The following SCNN1G variants were observed in gnomAD, a reference collection of about 807,000 sequenced individuals.
SCNN1G encodes sodium channel epithelial 1 subunit gamma.
Under a neutral mutation model 64.6 loss-of-function variants are expected in SCNN1G, and 27 were observed. The ratio of observed to expected loss-of-function variants is 0.42; its 90% CI spans 0.31 to 0.58. The LOEUF is 0.58. SCNN1G is among the 20% of genes least tolerant of loss of function. SCNN1G has a pLI of 0.18. For missense variants in SCNN1G, 743 were observed against 823.4 expected (o/e 0.90, Z 1.19); for synonymous variants, 330 against 314.2 (o/e 1.05, Z -0.53).
chr16:23,192,828 G>A (rs1959730713), intron 4 of SCNN1G, among the ~76,000 whole-genome samples: 1 of 152,050 alleles, frequency 6.6e-6, no homozygotes. Flanking sequence ...CAGCACTTTG[G>A]GAGGCTGGGG....
chr16:23,186,843 C>T (rs1457884713), intron 2 of SCNN1G, among the ~76,000 whole-genome samples: 2 of 152,082 alleles, frequency 1.3e-5, no homozygotes, highest in African/African-American at 4.8e-5. Flanking sequence ...TGGAGTTTCG[C>T]TCTTGTTGCC....
chr16:23,206,419 C>T (rs567401227), intron 6 of SCNN1G, among the ~76,000 whole-genome samples: 6 of 152,326 alleles, frequency 3.9e-5, no homozygotes, highest in African/African-American at 1.2e-4. Flanking sequence ...GGCTCTGCTG[C>T]CATCTGGGCT....
At chr16:23,209,681 G>A in intron 6 of SCNN1G, 69 bp from the exon 7 acceptor site, 2 of 1,125,262 alleles carry the variant, frequency 1.8e-6, no homozygotes, top group Non-Finnish European at 2.7e-6. Flanking sequence ...CCTGTCTGGT[G>A]CTCCTTGCAA....
rs1170526876 is a variant in SCNN1G at position 23,189,456 on chromosome 16, C to T, written c.403C>T (p.Arg135Trp). The T allele has an allele frequency of 3.1e-6, 5 of 1,614,122 alleles. No individual in the cohort carries two copies. The highest frequency in any genetic ancestry group is 2.7e-5 in the African/African-American group (2 of 75,028). ...GTCCCTGTATGGCTTTCCAGAGTCC[C>T]GGAAGCGCCGAGAGGCGGAGTCCTG... ...LKSLYGFPESRKRREAESWNS... is the reference protein window; with the variant it reads ...LKSLYGFPESWKRREAESWNS... Residue 135 changes from arginine to tryptophan, a missense_variant, in exon 3 of 13, where the codon CGG becomes TGG. Physicochemically the swap from Arg to Trp is moderately radical, Grantham distance 101. Coordinates refer to ENST00000300061, the MANE Select transcript of SCNN1G (RefSeq NM_001039.4).
chr16:23,183,418 C>G (rs1388064583), intron 1 of SCNN1G, among the ~76,000 whole-genome samples: 2 of 152,206 alleles, frequency 1.3e-5, no homozygotes, highest in East Asian at 3.9e-4. Context: ...GGGACGGGCA[C>G]TGATCGGGAA....
At chr16:23,187,006 T>G (rs1959619966) in intron 2 of SCNN1G, among the ~76,000 whole-genome samples, 1 of 152,050 alleles carries the variant, frequency 6.6e-6, no homozygotes, top group Admixed American at 6.6e-5. Flanking sequence ...TCACCATGCT[T>G]GGCCAGGCTG....
chr16:23,203,825 C>T (rs1053233856), intron 6 of SCNN1G, among the ~76,000 whole-genome samples: 9 of 149,040 alleles, frequency 6.0e-5, no homozygotes, highest in Non-Finnish European at 8.9e-5. Context: ...TTCAAACCCA[C>T]CCCAGTTTTG....
At chr16:23,207,860 A>G (rs1960015128) in intron 6 of SCNN1G, among the ~76,000 whole-genome samples, 1 of 152,080 alleles carries the variant, frequency 6.6e-6, no homozygotes, top group African/African-American at 2.4e-5. Context: ...CCTGCCTCAA[A>G]CCTCTTAATT....
At chr16:23,211,221 C>T (rs1237453507) in intron 7 of SCNN1G, among the ~76,000 whole-genome samples, 1 of 152,162 alleles carries the variant, frequency 6.6e-6, no homozygotes, top group Non-Finnish European at 1.5e-5. Context: ...TGCCAAACAG[C>T]AGAAAAATAG....
At chr16:23,187,695 C>G (rs934414242) in intron 2 of SCNN1G, among the ~76,000 whole-genome samples, 6 of 152,148 alleles carry the variant, frequency 3.9e-5, no homozygotes, top group African/African-American at 7.2e-5. Context: ...TAAACCCAGC[C>G]CCATTAATTG....
Position 23,192,552 on chromosome 16 carries a change from G to C in SCNN1G, c.809+10G>C, listed in dbSNP as rs773124698. 79 of 1,608,336 alleles carry C rather than the reference G, an allele frequency of 4.9e-5. No homozygotes were observed. In the South Asian group the frequency reaches 8.2e-4, roughly 17 times the overall value. ...TGTCCTGTGATGCCAGGTCAGGAGA[G>C]AATGCTGCTCTCTCAGCCTCTAAGG... On this transcript the variant is annotated intron_variant, in intron 4 of 12. Transcript: ENST00000300061.
At chr16:23,211,169 T>G (rs998838226) in intron 7 of SCNN1G, among the ~76,000 whole-genome samples, 4 of 152,228 alleles carry the variant, frequency 2.6e-5, no homozygotes, top group Non-Finnish European at 5.9e-5. Context: ...GATATTATTA[T>G]AAAGAAAGCA....
chr16:23,213,141 C>A lies in SCNN1G; in HGVS notation c.1471C>A (p.Gln491Lys). The change falls in exon 11 of 13, where the codon CAA (glutamine) becomes AAA (lysine). Residue 491 changes from glutamine to lysine, a missense_variant. Physicochemically the swap from Gln to Lys is moderately conservative, Grantham distance 53. Coordinates refer to ENST00000300061, the MANE Select transcript of SCNN1G (RefSeq NM_001039.4). ...LPVLTWDQGR[Q>K]VNKKLNKTDL... ...TGTTCTCACTTGGGACCAAGGCCGG[C>A]AAGTAAACAAAAAGCTCAACAAGTA... 6.2e-7 allele frequency: 1 copy of A among 1,613,102 alleles called. No individual in the cohort carries two copies. The highest frequency in any genetic ancestry group is 8.5e-7 in the Non-Finnish European group (1 of 1,179,668).
At chr16:23,199,086 C>A (rs2141935814) in intron 6 of SCNN1G, among the ~76,000 whole-genome samples, 1 of 152,006 alleles carries the variant, frequency 6.6e-6, no homozygotes, top group Non-Finnish European at 1.5e-5. Context: ...AGGAGTGTAC[C>A]AAGCAGAGTG....
rs563025516 is a variant in SCNN1G at position 23,203,936 on chromosome 16, G to A, written c.1078-5814G>A. Among the ~76,000 whole-genome samples the A allele has an allele frequency of 6.6e-5, 10 of 151,948 alleles. 1 individual carries two copies. The highest frequency in any genetic ancestry group is 5.2e-4 in the Admixed American group (8 of 15,240). On this transcript the variant is annotated intron_variant, in intron 6 of 12. Transcript: ENST00000300061. ...GCTGGTGAGAATTTAATGAGTTGGT[G>A]CATGTGAAACGCTTGGAAATGTGTT...
chr16:23,209,845 C>T lies in SCNN1G; in HGVS notation c.1173C>T (p.Leu391=), dbSNP rs1444263341. 1 of 1,611,884 alleles carries T rather than the reference C, an allele frequency of 6.2e-7. No individual in the cohort carries two copies. Among genetic ancestry groups the T allele is most frequent in the Non-Finnish European group, 8.5e-7 (1 of 1,178,062 alleles). The change falls in exon 7 of 13, where the codon CTC becomes CTT. Residue 391 remains leucine (L), a synonymous_variant. Transcript: ENST00000300061. ...ACATCTACAACGCTGCCTACTCGCT[C>T]CAGGTAACAGATTGGCAGGGGCACC... The part of the protein sequence containing the change: ...IRNIYNAAYS[L]QICLHSCFQT...
intron 6 of SCNN1G, among the ~76,000 whole-genome samples, chr16:23,199,838 A>G (rs1203198942): frequency 6.6e-6 from 1 of 151,004 alleles, no homozygotes; most frequent in Non-Finnish European, 1.5e-5. Context: ...CGCCTGGCTA[A>G]TTTTTTGTAT....
chr16:23,197,508 A>G (rs1959815459), intron 6 of SCNN1G, 81 bp downstream of exon 6: 2 of 1,280,178 alleles, frequency 1.6e-6, no homozygotes, highest in Admixed American at 3.4e-5. Context: ...GGTGCAGCTT[A>G]TGGAAAAGGG....
intron 7 of SCNN1G, among the ~76,000 whole-genome samples, chr16:23,211,542 G>A (rs1265323250): frequency 6.6e-6 from 1 of 152,214 alleles, no homozygotes; most frequent in Non-Finnish European, 1.5e-5. Flanking sequence ...GCCAGGTGTG[G>A]CTCATGCCTA....
Sources: gnomAD v4.1 joint callset for allele counts (sites outside exome capture counted in the v4.1 genomes callset) on GRCh38, gnomAD v4.1.1 for gene constraint, MANE v1.5 for transcripts, NCBI Gene and HGNC (gene_info 2026-07-23, HGNC 2026-07-21) for gene names.